Variants in ADGRG4 observed in about 807,000 individuals in gnomAD.
ADGRG4 encodes the protein G protein-coupled receptor 112.
A neutral mutation model predicts 126.2 loss-of-function variants in ADGRG4; 122 were observed. That is an observed-to-expected ratio of 0.97 (90% CI 0.83 to 1.12). The LOEUF is 1.12. ADGRG4 is among the 50% of genes most tolerant of loss of function. ADGRG4 has a pLI of 0.00. For missense variants in ADGRG4, 2,481 were observed against 2,251.8 expected, an observed-to-expected ratio of 1.10 and a Z score of -2.06; for synonymous variants, 943 against 838.7, an observed-to-expected ratio of 1.12 and a Z score of -2.15.
At position 136,349,476 on chromosome X, in the gene ADGRG4, G is replaced by C; in HGVS notation, c.5770G>C (p.Ala1924Pro). 1 of 1,205,423 alleles carries C rather than the reference G, an allele frequency of 8.3e-7. No individual in the cohort carries two copies. Among genetic ancestry groups the C allele is most frequent in the African/African-American group, 1.7e-5 (1 of 57,621 alleles). Residue 1924 changes from alanine to proline, a missense_variant, in exon 6 of 26, where the codon GCC (alanine) becomes CCC (proline). By Grantham distance (27) the Ala-to-Pro change is conservative. Coordinates refer to ENST00000394143, the MANE Select transcript of ADGRG4 (RefSeq NM_153834.4). ...LVPGPLSTFT[A>P]SQTGLVSKDV... The stretch of plus-strand genomic sequence containing the variant: ...TCCTGGGCCTTTGTCAACATTCACA[G>C]CCTCTCAGACTGGTCTAGTATCTAA...
At chrX:136,411,737 G>C (rs2075447393) in intron 23 of ADGRG4, among the ~76,000 whole-genome samples, 1 of 112,132 alleles carries the variant, frequency 8.9e-6, no homozygotes. Flanking sequence ...CTTGACTGGG[G>C]CTGGGGAATG....
chrX:136,332,378 G>C (rs1433091947), intron 5 of ADGRG4, among the ~76,000 whole-genome samples: 1 of 103,238 alleles, frequency 9.7e-6, no homozygotes, highest in Admixed American at 1.1e-4. Flanking sequence ...GTGTATATGT[G>C]CCACATTTTC....
intron 5 of ADGRG4, among the ~76,000 whole-genome samples, chrX:136,327,730 A>C (rs895439424): frequency 9.0e-6 from 1 of 110,630 alleles, no homozygotes; most frequent in Admixed American, 9.7e-5. Flanking sequence ...TGGTACGTTT[A>C]GGTTTTCAAT....
At chrX:136,341,840 A>C (rs1382061290) in intron 5 of ADGRG4, among the ~76,000 whole-genome samples, 1 of 112,013 alleles carries the variant, frequency 8.9e-6, no homozygotes, top group East Asian at 2.8e-4. Context: ...TATGCAAATT[A>C]TAAGTAATTT....
intron 13 of ADGRG4, among the ~76,000 whole-genome samples, chrX:136,365,877 A>T (rs1019133076): frequency 9.0e-6 from 1 of 111,283 alleles, no homozygotes; most frequent in Non-Finnish European, 1.9e-5. Context: ...ATGTTTATAG[A>T]CTTTATTTTT....
chrX:136,371,614 T>C, intron 14 of ADGRG4, 70 bp downstream of exon 14: 1 of 568,594 alleles, frequency 1.8e-6, no homozygotes, highest in Non-Finnish European at 2.7e-6. Context: ...CCTCTGTATC[T>C]GTGCATTCTG....
intron 5 of ADGRG4, among the ~76,000 whole-genome samples, chrX:136,329,758 G>T (rs2074897101): frequency 9.3e-6 from 1 of 107,941 alleles, no homozygotes; most frequent in Non-Finnish European, 1.9e-5. Flanking sequence ...CTGCAGCCTT[G>T]ACCTCCTGGG....
At chrX:136,314,433 G>C (rs919908964) in intron 4 of ADGRG4, among the ~76,000 whole-genome samples, 1 of 111,454 alleles carries the variant, frequency 9.0e-6, no homozygotes, top group Non-Finnish European at 1.9e-5. Context: ...AGACACACTG[G>C]CTTCCTAGTA....
intron 5 of ADGRG4, among the ~76,000 whole-genome samples, chrX:136,338,313 T>C (rs1185968299): frequency 9.0e-6 from 1 of 110,798 alleles, no homozygotes; most frequent in Non-Finnish European, 1.9e-5. Context: ...CATGTCTGGC[T>C]AATTTTTGTA....
intron 13 of ADGRG4, among the ~76,000 whole-genome samples, chrX:136,365,850 G>GT (rs751136565): frequency 1.3e-4 from 14 of 111,719 alleles, no homozygotes; most frequent in African/African-American, 4.2e-4. Flanking sequence ...CTAGCCAAAA[G>GT]TTTTTAAATT....
At chrX:136,366,269 A>G (rs1212528403) in intron 13 of ADGRG4, among the ~76,000 whole-genome samples, 1 of 112,140 alleles carries the variant, frequency 8.9e-6, no homozygotes, top group Non-Finnish European at 1.9e-5. Context: ...AGAAGGCCAT[A>G]TAGTTGGAAT....
intron 5 of ADGRG4, among the ~76,000 whole-genome samples, chrX:136,328,004 A>T (rs974798066): frequency 8.9e-6 from 1 of 111,769 alleles, no homozygotes; most frequent in Non-Finnish European, 1.9e-5. Flanking sequence ...ATAATTTCTT[A>T]TATATCCTTG....
Position 136,387,874 on chromosome X carries a change from G to C in ADGRG4, c.7911G>C (p.Lys2637Asn). 8.3e-7 allele frequency: 1 copy of C among 1,204,190 alleles called. No individual in the cohort carries two copies. The highest frequency in any genetic ancestry group is 1.7e-5 in the African/African-American group (1 of 57,493). Residue 2637 changes from lysine (K) to asparagine (N), a missense_variant and splice_region_variant, in exon 16 of 26, where the codon AAG (lysine) becomes AAC (asparagine). Transcript: ENST00000394143. ...FNFFGQTSLF[K>N]TKNVTKALTT... Reference sequence around the variant, plus strand: ...TCTTTGGCCAAACTTCACTCTTTAAGGTAAATTCTTGCCTGTGGTAACTGT... The same window carrying C: ...TCTTTGGCCAAACTTCACTCTTTAACGTAAATTCTTGCCTGTGGTAACTGT...
chrX:136,413,906 A>G (rs2148503964), intron 24 of ADGRG4, among the ~76,000 whole-genome samples: 1 of 109,688 alleles, frequency 9.1e-6, no homozygotes, highest in African/African-American at 3.3e-5. Context: ...CCGCCCGGCT[A>G]ATTTTGTATT....
intron 15 of ADGRG4, among the ~76,000 whole-genome samples, chrX:136,384,598 A>T (rs1271733014): frequency 8.9e-6 from 1 of 111,905 alleles, no homozygotes; most frequent in Non-Finnish European, 1.9e-5. Flanking sequence ...ATTGTAGTGC[A>T]GGTCTGATAA....
At chrX:136,401,530 T>C (rs750228444) in intron 21 of ADGRG4, among the ~76,000 whole-genome samples, 1 of 111,836 alleles carries the variant, frequency 8.9e-6, no homozygotes, top group East Asian at 2.8e-4. Flanking sequence ...AGGAAAACTT[T>C]AGTTACACAC....
Position 136,387,741 on chromosome X carries a change from T to C in ADGRG4, c.7778T>C (p.Ile2593Thr). The change falls in exon 16 of 26, where the codon ATT becomes ACT. Residue 2593 changes from isoleucine (I) to threonine (T), a missense_variant and splice_region_variant. Coordinates refer to ENST00000394143, the MANE Select transcript of ADGRG4 (RefSeq NM_153834.4). ...HSYEEGTDPE[I>T]FLGNVPVGGI... ...TCATTTTTTGGCTTTTCTTGGCAGA[T>C]TTTCCTAGGCAATGTCCCTGTGGGA... is the stretch of plus-strand genomic sequence containing the variant. The C allele has an allele frequency of 8.3e-7, 1 of 1,202,996 alleles. No homozygotes were observed. Among genetic ancestry groups the C allele is most frequent in the Non-Finnish European group, 1.1e-6 (1 of 892,480 alleles).
chrX:136,367,076 T>C (rs2075163312), intron 13 of ADGRG4, among the ~76,000 whole-genome samples: 2 of 111,232 alleles, frequency 1.8e-5, no homozygotes, highest in South Asian at 7.7e-4. Context: ...AGGAAATGAG[T>C]TCTCACCAGA....
At chrX:136,383,071 C>T (rs1010201576) in intron 15 of ADGRG4, among the ~76,000 whole-genome samples, 1 of 111,458 alleles carries the variant, frequency 9.0e-6, no homozygotes, top group South Asian at 3.9e-4. Context: ...ATTTAGAGCA[C>T]TTATTTTATA....
Sources: allele counts gnomAD v4.1 joint callset (sites outside exome capture counted in the v4.1 genomes callset), GRCh38; gene constraint gnomAD v4.1.1; transcripts MANE v1.5; gene names NCBI Gene and HGNC (gene_info 2026-07-23, HGNC 2026-07-21).